Variants in COL13A1 observed in about 807,000 individuals in gnomAD.
COL13A1 encodes the protein collagen alpha-1(XIII) chain.
COL13A1 carries 89 observed loss-of-function variants against 130.9 expected under a neutral mutation model. That is an observed-to-expected ratio of 0.68 (90% confidence interval 0.57 to 0.81). The LOEUF (loss-of-function observed/expected upper bound fraction) is 0.81. Among genes scored for constraint, COL13A1 ranks in the 30% least tolerant of loss-of-function variants. The probability of loss-of-function intolerance (pLI) is 0.00; values close to 1 mark genes in which losing one functional copy is unlikely to be tolerated. For synonymous variants in COL13A1, 402 were observed against 341.6 expected (o/e 1.18, Z -1.95); for missense variants, 879 against 934.6 (o/e 0.94, Z 0.78).
chr10:69,936,161 GAAGGAAGGAAGGAAGGAAAGGA>G (rs2066876233), intron 32 of COL13A1, among the ~76,000 whole-genome samples: 16 of 26,254 alleles, frequency 6.1e-4, no homozygotes, highest in East Asian at 1.5e-3. Flanking sequence ...AGGAAGGAAG[GAAGGAAGGAAGGAAGGAAAGGA>G]AAGGAAGGAA....
At chr10:69,921,560 C>T (rs771386072) in intron 21 of COL13A1, among the ~76,000 whole-genome samples, 8 of 152,198 alleles carry the variant, frequency 5.3e-5, no homozygotes, top group African/African-American at 1.4e-4. Flanking sequence ...CCCAGGAGAC[C>T]GCCAGGATGG....
At chr10:69,931,151 A>C (rs753427838) in intron 30 of COL13A1, 16 of 456,010 alleles carry the variant, frequency 3.5e-5, no homozygotes, top group Non-Finnish European at 6.2e-5. Context: ...AATCATTGTC[A>C]GTCTGTAGGG....
intron 1 of COL13A1, among the ~76,000 whole-genome samples, chr10:69,815,555 G>T (rs10998981): frequency 0.089 from 13,559 of 152,170 alleles, 611 homozygotes; most frequent in East Asian, 0.16. Flanking sequence ...ATGTCAAGGG[G>T]GCCAGGCTGG....
intron 14 of COL13A1, among the ~76,000 whole-genome samples, chr10:69,899,208 A>C (rs2061952899): frequency 6.6e-6 from 1 of 152,224 alleles, no homozygotes; most frequent in East Asian, 1.9e-4. Context: ...CATTTGGGGC[A>C]AGTTACTTGA....
intron 27 of COL13A1, 111 bp from the exon 28 acceptor site, chr10:69,928,826 G>C: frequency 5.8e-6 from 4 of 687,916 alleles, no homozygotes; most frequent in Non-Finnish European, 9.7e-6. Flanking sequence ...ACTGGAGAAA[G>C]GTCTGTAAAC....
chr10:69,862,496 C>T (rs1462238680), intron 2 of COL13A1, among the ~76,000 whole-genome samples: 1 of 152,142 alleles, frequency 6.6e-6, no homozygotes, highest in Non-Finnish European at 1.5e-5. Flanking sequence ...TGAAGTTAAC[C>T]CCAGAAGACA....
At chr10:69,853,583 G>C (rs1855584284) in intron 2 of COL13A1, among the ~76,000 whole-genome samples, 2 of 151,888 alleles carry the variant, frequency 1.3e-5, no homozygotes, top group African/African-American at 4.9e-5. Flanking sequence ...CCTCCCTTAG[G>C]CTCAGAAAAC....
At chr10:69,844,039 A>T (rs537648616) in intron 2 of COL13A1, among the ~76,000 whole-genome samples, 2 of 152,340 alleles carry the variant, frequency 1.3e-5, no homozygotes, top group African/African-American at 4.8e-5. Flanking sequence ...AGCATAGAAA[A>T]TACCCAAGAG....
At chr10:69,906,937 G>T (rs186286341) in intron 17 of COL13A1, among the ~76,000 whole-genome samples, 8 of 152,142 alleles carry the variant, frequency 5.3e-5, no homozygotes, top group African/African-American at 1.9e-4. Flanking sequence ...CACCATGTTG[G>T]CCAGGATGGT....
At position 69,851,254 on chromosome 10, in the gene COL13A1, C is replaced by T. The variant is rs552342420; in HGVS notation, c.365-16544C>T. Among the ~76,000 whole-genome samples, 9 of 152,346 alleles carry T rather than the reference C, an allele frequency of 5.9e-5. No homozygotes were observed. In the South Asian group the frequency reaches 1.9e-3, roughly 32 times the overall value. On this transcript the variant is annotated intron_variant, in intron 2 of 40. Transcript: ENST00000645393. The stretch of plus-strand genomic sequence containing the variant: ...CTGATTTCTGAAGATTTCTCAGGTT[C>T]AGAGAAGTGAGAGAATCAGGGAAAT...
At position 69,921,949 on chromosome 10, in the gene COL13A1, T is replaced by C. The variant is rs2064740238; in HGVS notation, c.1143+14T>C. 15 of 1,599,192 alleles carry C rather than the reference T, an allele frequency of 9.4e-6. No individual in the cohort carries two copies. Among genetic ancestry groups the C allele is most frequent in the Non-Finnish European group, 1.3e-5 (15 of 1,172,938 alleles). ...CTGGGGCAGAAGGTAGGTGTTGCTCTGAATGGAGGGTTCAAGTCCTTCGTC... is the reference window on the plus strand; with the variant it reads ...CTGGGGCAGAAGGTAGGTGTTGCTCCGAATGGAGGGTTCAAGTCCTTCGTC... On this transcript the variant is annotated intron_variant, in intron 22 of 40. Coordinates refer to ENST00000645393, the MANE Select transcript of COL13A1 (RefSeq NM_001368882.1).
At position 69,957,051 on chromosome 10, in the gene COL13A1, T is replaced by C. The variant is rs771738079; in HGVS notation, c.2184+9T>C. On this transcript the variant is annotated intron_variant, in intron 40 of 40. Coordinates refer to ENST00000645393, the MANE Select transcript of COL13A1 (RefSeq NM_001368882.1). ...AAGGCTGCTGGAACAAGGTAAGGCT[T>C]CCCATTGGTGTGCACTGGGGCTCCG... 6.2e-7 allele frequency: 1 copy of C among 1,612,678 alleles called. No individual in the cohort carries two copies.
chr10:69,919,006 G>A lies in COL13A1; in HGVS notation c.1000-56G>A. 8 of 1,611,234 alleles carry A rather than the reference G, an allele frequency of 5.0e-6. No homozygotes were observed. The Admixed American group carries it at 1.0e-4, about 20-fold the overall frequency. ...CCCCACCTCCACCAACAGGTGCCTT[G>A]CTCATTTGTTTCTGCTTTTTCTGTC... On this transcript the variant is annotated intron_variant, in intron 19 of 40. Coordinates refer to ENST00000645393, the MANE Select transcript of COL13A1 (RefSeq NM_001368882.1).
intron 2 of COL13A1, among the ~76,000 whole-genome samples, chr10:69,852,103 C>T (rs1350878696): frequency 1.3e-5 from 2 of 152,166 alleles, no homozygotes; most frequent in Non-Finnish European, 2.9e-5. Flanking sequence ...CTTGGACTCT[C>T]TCGTGCCGCC....
chr10:69,803,174 G>T (rs374978786), intron 1 of COL13A1, among the ~76,000 whole-genome samples: 10 of 152,330 alleles, frequency 6.6e-5, no homozygotes, highest in African/African-American at 2.2e-4. Flanking sequence ...GACCCGGGGG[G>T]TGCGGGGAGA....
intron 34 of COL13A1, 79 bp downstream of exon 34, chr10:69,937,794 A>C: frequency 1.4e-6 from 1 of 727,954 alleles, no homozygotes; most frequent in Non-Finnish European, 2.5e-6. Context: ...CAGCCAGCGG[A>C]AAGCTAAGGT....
chr10:69,813,492 A>C (rs887552150), intron 1 of COL13A1, among the ~76,000 whole-genome samples: 3 of 152,096 alleles, frequency 2.0e-5, no homozygotes, highest in African/African-American at 7.2e-5. Context: ...AGGCAGAGGG[A>C]GACAGAGGCA....
intron 31 of COL13A1, 110 bp downstream of exon 31, chr10:69,932,714 C>A: frequency 2.8e-6 from 2 of 723,522 alleles, no homozygotes; most frequent in South Asian, 1.6e-5. Context: ...TTTACGTTTA[C>A]TGAGCACCAC....
At chr10:69,848,760 T>C (rs547636233) in intron 2 of COL13A1, among the ~76,000 whole-genome samples, 7 of 152,026 alleles carry the variant, frequency 4.6e-5, no homozygotes, top group Non-Finnish European at 1.0e-4. Context: ...ATGAAAACAA[T>C]GGAAGCATTC....
Sources: gnomAD v4.1 joint callset for allele counts (sites outside exome capture counted in the v4.1 genomes callset) on GRCh38, gnomAD v4.1.1 for gene constraint, MANE v1.5 for transcripts, NCBI Gene and HGNC (gene_info 2026-07-23, HGNC 2026-07-21) for gene names.